Variants in KLRG1 observed in about 807,000 individuals in gnomAD.
KLRG1 encodes killer cell lectin like receptor G1, also known as killer cell lectin-like receptor subfamily G member 1.
Under a neutral mutation model 21.8 loss-of-function variants are expected in KLRG1, and 16 were observed. That is an observed-to-expected ratio of 0.73 (90% CI 0.50 to 1.11). The LOEUF is 1.11. KLRG1 is among the 50% of genes most tolerant of loss of function. The pLI, the probability that KLRG1 is intolerant of heterozygous loss-of-function variation, is 0.00. For missense variants in KLRG1, 173 were observed against 218.3 expected, an observed-to-expected ratio of 0.79 and a Z score of 1.31; for synonymous variants, 69 against 75.9, an observed-to-expected ratio of 0.91 and a Z score of 0.47.
At chr12:9,042,401 G>C in the KLRG1 span, among the ~76,000 whole-genome samples, 5 of 152,144 alleles carry the variant, frequency 3.3e-5, no homozygotes, top group African/African-American at 1.2e-4. Context: ...ATGGCCTCAG[G>C]GTCAAGATTT....
intron 1 of KLRG1, among the ~76,000 whole-genome samples, chr12:8,952,343 C>T (rs11048190): frequency 0.36 from 55,037 of 152,036 alleles, 11,216 homozygotes; most frequent in Middle Eastern, 0.47. Context: ...AGGCGCAAGC[C>T]ACCATGCCCA....
chr12:9,119,212 G>A, the KLRG1 span, among the ~76,000 whole-genome samples: 3,218 of 152,290 alleles, frequency 0.021, 107 homozygotes, highest in African/African-American at 0.072. Flanking sequence ...GATTCATAAT[G>A]TAACATAATT....
At chr12:9,206,175 A>G in the KLRG1 span, among the ~76,000 whole-genome samples, 1 of 152,064 alleles carries the variant, frequency 6.6e-6, no homozygotes, top group Non-Finnish European at 1.5e-5. Flanking sequence ...CATAATAAAT[A>G]ATAAAAATGT....
chr12:9,013,801 G>A (rs995488301), downstream of KLRG1, among the ~76,000 whole-genome samples: 3 of 152,082 alleles, frequency 2.0e-5, no homozygotes, highest in African/African-American at 4.8e-5. Flanking sequence ...GGAATTGTGG[G>A]AGCTATAATT....
At chr12:9,125,715 G>A in the KLRG1 span, among the ~76,000 whole-genome samples, 1 of 152,156 alleles carries the variant, frequency 6.6e-6, no homozygotes, top group East Asian at 1.9e-4. Flanking sequence ...AATAGTGCGT[G>A]TATGTATATT....
the KLRG1 span, among the ~76,000 whole-genome samples, chr12:9,151,051 T>A: frequency 6.6e-6 from 1 of 152,224 alleles, no homozygotes; most frequent in African/African-American, 2.4e-5. Flanking sequence ...TTTCATACAA[T>A]CTGTAATTAA....
the KLRG1 span, among the ~76,000 whole-genome samples, chr12:9,174,354 C>T: frequency 4.6e-5 from 7 of 152,122 alleles, no homozygotes; most frequent in Non-Finnish European, 5.9e-5. Context: ...GACAAACACA[C>T]AGCCAATATC....
chr12:9,068,227 G>GAA, the KLRG1 span: 149 of 1,298,252 alleles, frequency 1.1e-4, no homozygotes, highest in Admixed American at 4.9e-4. Context: ...AAACTCATCT[G>GAA]AAAAAAAAAA....
At chr12:8,991,825 TA>T (rs1565545999) in intron 1 of KLRG1, among the ~76,000 whole-genome samples, 1 of 152,024 alleles carries the variant, frequency 6.6e-6, no homozygotes, top group Non-Finnish European at 1.5e-5. Flanking sequence ...CGAGTATCTG[TA>T]GGAAAAATTT....
the KLRG1 span, among the ~76,000 whole-genome samples, chr12:9,171,386 G>T: frequency 6.6e-6 from 1 of 152,190 alleles, no homozygotes; most frequent in African/African-American, 2.4e-5. Context: ...AGGTAGATAA[G>T]TTCACAAAGA....
chr12:9,157,687 C>G, the KLRG1 span: 1 of 1,293,172 alleles, frequency 7.7e-7, no homozygotes. Context: ...ATACTTGAGA[C>G]TCAACCCTTA....
chr12:9,113,356 TCACAGCGAAGGCGA>T, the KLRG1 span: 2 of 1,612,894 alleles, frequency 1.2e-6, no homozygotes, highest in Non-Finnish European at 1.7e-6. Flanking sequence ...ACAGCCACAC[TCACAGCGAAGGCGA>T]CACAGTGGAG....
chr12:9,015,331 T>C (rs141959910), downstream of KLRG1, among the ~76,000 whole-genome samples: 13 of 152,206 alleles, frequency 8.5e-5, no homozygotes, highest in East Asian at 2.3e-3. Flanking sequence ...TCCATGCCAA[T>C]GGAGACCAAA....
intron 1 of KLRG1, among the ~76,000 whole-genome samples, chr12:8,979,218 A>G (rs939004689): frequency 1.3e-5 from 2 of 151,502 alleles, no homozygotes; most frequent in Non-Finnish European, 2.9e-5. Context: ...GTGTTTCACC[A>G]TGTTGGCCAG....
At chr12:9,025,225 A>G in the KLRG1 span, among the ~76,000 whole-genome samples, 1 of 152,204 alleles carries the variant, frequency 6.6e-6, no homozygotes, top group African/African-American at 2.4e-5. Flanking sequence ...AAGGAAAGAG[A>G]TAATATCTAA....
the KLRG1 span, chr12:9,072,543 C>T: frequency 2.8e-4 from 453 of 1,599,874 alleles, no homozygotes; most frequent in South Asian, 1.6e-3. Flanking sequence ...TTCCTGTCCA[C>T]GTCCCTAACC....
At chr12:9,062,925 T>C in the KLRG1 span, among the ~76,000 whole-genome samples, 1 of 151,904 alleles carries the variant, frequency 6.6e-6, no homozygotes, top group African/African-American at 2.4e-5. Flanking sequence ...TAGGGTAAAA[T>C]GACAGCTACA....
chr12:9,119,576 G>A, the KLRG1 span, among the ~76,000 whole-genome samples: 11 of 152,128 alleles, frequency 7.2e-5, no homozygotes, highest in African/African-American at 2.4e-4. Context: ...AGTACCTGAC[G>A]GAGATGCCAG....
upstream of KLRG1, among the ~76,000 whole-genome samples, chr12:8,985,533 A>G (rs1451911479): frequency 6.6e-6 from 1 of 152,216 alleles, no homozygotes; most frequent in African/African-American, 2.4e-5. Context: ...CACCAGTCAC[A>G]AGTCTGGGCC....
Sources: allele counts gnomAD v4.1 joint callset (sites outside exome capture counted in the v4.1 genomes callset), GRCh38; gene constraint gnomAD v4.1.1; transcripts MANE v1.5; gene names NCBI Gene and HGNC (gene_info 2026-07-23, HGNC 2026-07-21).